CMIP: variants seen among roughly 807,000 people sequenced by gnomAD.
CMIP encodes the protein c-Maf inducing protein.
Under a neutral mutation model 97.3 loss-of-function variants are expected in CMIP, and 13 were observed. That is an observed-to-expected ratio of 0.13 (90% confidence interval 0.09 to 0.21). The LOEUF (loss-of-function observed/expected upper bound fraction) is 0.21. Ranked by LOEUF, CMIP falls within the 10% of genes least tolerant of loss-of-function variation. The pLI, the probability that CMIP is intolerant of heterozygous loss-of-function variation, is 1.00. For synonymous variants in CMIP, 538 were observed against 436.3 expected, an observed-to-expected ratio of 1.23 and a Z score of -2.91; for missense variants, 847 against 1,024.9, an observed-to-expected ratio of 0.83 and a Z score of 2.37.
intron 1 of CMIP, among the ~76,000 whole-genome samples, chr16:81,536,501 C>T (rs2090345570): frequency 6.6e-6 from 1 of 152,168 alleles, no homozygotes; most frequent in Non-Finnish European, 1.5e-5. Context: ...AATGCCCTGT[C>T]CTAACCATTT....
rs10629229 is a variant in CMIP, at chr16:81,568,039, G to GTGTGTTT, written c.301-39527_301-39526insGTGTTTT. Among the ~76,000 whole-genome samples the GTGTGTTT allele has an allele frequency of 2.0e-3, 169 of 82,490 alleles. 4 individuals carry two copies. The highest frequency in any genetic ancestry group is 8.3e-3 in the East Asian group (20 of 2,418). The allele number at this position is 82,490 out of a possible 152,430, so 54.1% of individuals were successfully genotyped here. A position where few individuals can be genotyped will look rare whatever the true frequency, so the allele number is the denominator to read the frequency against. On this transcript the variant is annotated intron_variant, in intron 1 of 20. Transcript: ENST00000537098. ...TGAGCTTTTCAGTGTGTGTGTGTGT[G>GTGTGTTT]TTTTTTTTTTTTTTTTTTTTTGAAG... is the stretch of plus-strand genomic sequence containing the variant.
At chr16:81,590,269 C>T (rs185021560) in intron 1 of CMIP, among the ~76,000 whole-genome samples, 103 of 151,100 alleles carry the variant, frequency 6.8e-4, no homozygotes, top group African/African-American at 2.1e-3. Flanking sequence ...CCCATTCCTT[C>T]GTCTCAACCT....
At chr16:81,543,024 A>G (rs140079736) in intron 1 of CMIP, among the ~76,000 whole-genome samples, 382 of 152,214 alleles carry the variant, frequency 2.5e-3, no homozygotes, top group Middle Eastern at 6.8e-3. Context: ...GCCGCTTGGG[A>G]GCCAGTCCGT....
chr16:81,528,369 C>T (rs1366557885), intron 1 of CMIP, among the ~76,000 whole-genome samples: 1 of 151,982 alleles, frequency 6.6e-6, no homozygotes, highest in Non-Finnish European at 1.5e-5. Context: ...ATGCTGAATG[C>T]TGGATACATT....
intron 1 of CMIP, among the ~76,000 whole-genome samples, chr16:81,586,532 C>G (rs1473188743): frequency 6.6e-6 from 1 of 152,182 alleles, no homozygotes; most frequent in Non-Finnish European, 1.5e-5. Flanking sequence ...TCACATTCCT[C>G]AGTGATCCGG....
At chr16:81,534,653 A>C (rs893683543) in intron 1 of CMIP, among the ~76,000 whole-genome samples, 1 of 152,118 alleles carries the variant, frequency 6.6e-6, no homozygotes, top group South Asian at 2.1e-4. Flanking sequence ...TAAAAAAAAA[A>C]ACAAAACTAT....
At chr16:81,651,939 A>C (rs1293274847) in intron 3 of CMIP, among the ~76,000 whole-genome samples, 3 of 152,194 alleles carry the variant, frequency 2.0e-5, no homozygotes, top group African/African-American at 7.2e-5. Context: ...AAGGTAATCT[A>C]TCAAGGATTA....
At chr16:81,685,148 G>A (rs982086700) in intron 10 of CMIP, among the ~76,000 whole-genome samples, 1 of 152,178 alleles carries the variant, frequency 6.6e-6, no homozygotes, top group African/African-American at 2.4e-5. Flanking sequence ...AACCTGGTCC[G>A]ACTGGGGTCA....
intron 1 of CMIP, among the ~76,000 whole-genome samples, chr16:81,503,212 A>G (rs531570315): frequency 6.6e-6 from 1 of 152,074 alleles, no homozygotes; most frequent in Non-Finnish European, 1.5e-5. Context: ...TCCCAGGGAA[A>G]CCGGGATACA....
At chr16:81,566,027 G>T (rs2090977459) in intron 1 of CMIP, among the ~76,000 whole-genome samples, 1 of 152,192 alleles carries the variant, frequency 6.6e-6, no homozygotes, top group African/African-American at 2.4e-5. Context: ...GAGGCAAATA[G>T]TTGGTTCTTT....
intron 1 of CMIP, among the ~76,000 whole-genome samples, chr16:81,502,435 G>A (rs1452321850): frequency 6.6e-6 from 1 of 152,190 alleles, no homozygotes; most frequent in South Asian, 2.1e-4. Flanking sequence ...AGGGGGAGGT[G>A]ACATGGCCAC....
intron 1 of CMIP, among the ~76,000 whole-genome samples, chr16:81,491,839 T>A (rs2089410821): frequency 6.6e-6 from 1 of 152,230 alleles, no homozygotes; most frequent in Non-Finnish European, 1.5e-5. Flanking sequence ...TTTTATGTCA[T>A]TACAGGCACA....
At chr16:81,503,817 A>G (rs1037859967) in intron 1 of CMIP, among the ~76,000 whole-genome samples, 1 of 152,256 alleles carries the variant, frequency 6.6e-6, no homozygotes, top group Non-Finnish European at 1.5e-5. Flanking sequence ...GCACCCCTCC[A>G]GATCCCTGAG....
At position 81,652,437 on chromosome 16, in the gene CMIP, A is replaced by C. The variant is rs922324165; in HGVS notation, c.639+73A>C. 3.0e-6 allele frequency: 4 copies of C among 1,351,028 alleles called. No individual in the cohort carries two copies. In the Admixed American group the frequency reaches 7.7e-5, roughly 26 times the overall value. The allele number at this position is 1,351,028 out of a possible 1,614,324, so 83.7% of individuals were successfully genotyped here. ...ACCGATCACCGGCTCCATGCCAAGC[A>C]GCAGGCGCAGGCAGAGCTCCGTGTG... is the stretch of plus-strand genomic sequence containing the variant. On this transcript the variant is annotated intron_variant, in intron 4 of 20. Transcript: ENST00000537098. This position sits in a 1 kb window ranked among gnomAD's most constrained non-coding sequence, Gnocchi z 5.2.
intron 16 of CMIP, 76 bp from the exon 17 acceptor site, chr16:81,702,545 GT>G (rs1907538015): frequency 7.2e-7 from 1 of 1,393,222 alleles, no homozygotes; most frequent in African/African-American, 1.4e-5. Flanking sequence ...CTCCATGAGT[GT>G]TGTTAACAGA....
intron 1 of CMIP, among the ~76,000 whole-genome samples, chr16:81,506,607 G>A (rs2089713163): frequency 6.6e-6 from 1 of 152,220 alleles, no homozygotes; most frequent in African/African-American, 2.4e-5. Flanking sequence ...ATGATCAAGT[G>A]GGAAGAAAAT....
At chr16:81,696,271 AC>A (rs1415115996) in intron 13 of CMIP, 3 of 499,038 alleles carry the variant, frequency 6.0e-6, no homozygotes, top group Non-Finnish European at 1.1e-5. Flanking sequence ...TGCTGCAGCC[AC>A]AGGCCCGCTT....
At chr16:81,693,256 G>C (rs1049240353) in intron 12 of CMIP, 72 bp downstream of exon 12, 4 of 1,482,870 alleles carry the variant, frequency 2.7e-6, no homozygotes, top group Admixed American at 1.8e-5. Flanking sequence ...TCCCTCCGTG[G>C]CCCATGCATT....
chr16:81,532,456 T>C (rs186142571), intron 1 of CMIP, among the ~76,000 whole-genome samples: 23 of 152,288 alleles, frequency 1.5e-4, no homozygotes, highest in Non-Finnish European at 3.2e-4. Flanking sequence ...AACAGATAAA[T>C]CCCTGAACTT....
Sources: gnomAD v4.1 joint callset for allele counts (sites outside exome capture counted in the v4.1 genomes callset) on GRCh38, gnomAD v4.1.1 for gene constraint, Gnocchi (gnomAD v3.1) non-coding constraint, MANE v1.5 for transcripts, NCBI Gene and HGNC (gene_info 2026-07-23, HGNC 2026-07-21) for gene names.